PLAAT1: variants seen among roughly 807,000 people sequenced by gnomAD.
PLAAT1 encodes H-REV107 protein-related protein.
Under a neutral mutation model 16.4 loss-of-function variants are expected in PLAAT1, and 13 were observed. That is an observed-to-expected ratio of 0.79 (90% CI 0.52 to 1.26). PLAAT1 has a LOEUF of 1.26. Ranked by LOEUF, PLAAT1 falls within the 50% of genes most tolerant of loss-of-function variation. PLAAT1 has a pLI of 0.00. For synonymous variants in PLAAT1, 73 were observed against 78.4 expected (o/e 0.93, Z 0.36); for missense variants, 218 against 207.8 (o/e 1.05, Z -0.30).
chr3:193,267,923 TTTGCAG>T (rs1377695337), intron 3 of PLAAT1, among the ~76,000 whole-genome samples: 1 of 152,230 alleles, frequency 6.6e-6, no homozygotes, highest in Non-Finnish European at 1.5e-5. Flanking sequence ...CTTGTTTCAG[TTTGCAG>T]TTGCCTAGTT....
At chr3:193,245,983 G>GGAGAATC (rs1715968107) in intron 1 of PLAAT1, among the ~76,000 whole-genome samples, 2 of 152,218 alleles carry the variant, frequency 1.3e-5, no homozygotes, top group African/African-American at 4.8e-5. Context: ...TCATGTGCAA[G>GGAGAATC]GAGAATCCTA....
chr3:193,271,227 G>A (rs1716973302), downstream of PLAAT1, among the ~76,000 whole-genome samples: 1 of 152,120 alleles, frequency 6.6e-6, no homozygotes, highest in Non-Finnish European at 1.5e-5. Context: ...TCCTGCCTGT[G>A]TAGATGAGGG....
intron 2 of PLAAT1, chr3:193,276,737 G>C: frequency 2.6e-6 from 4 of 1,554,334 alleles, no homozygotes; most frequent in Middle Eastern, 1.7e-4. Context: ...AAAAAATATA[G>C]AGATTACTTT....
In PLAAT1 at chr3:193,258,972, T is replaced by C. The variant is rs182661919; in HGVS notation, c.139+3183T>C. Among the ~76,000 whole-genome samples the C allele has an allele frequency of 1.4e-4, 22 of 152,228 alleles. No individual in the cohort carries two copies. In the East Asian group the frequency reaches 3.5e-3, roughly 24 times the overall value. Reference sequence around the variant, plus strand: ...AAAAAAAGAAAACTTCAGGCCAGTATTCCTGATGAACATAGATGCAAAAAT... The same window carrying C: ...AAAAAAAGAAAACTTCAGGCCAGTACTCCTGATGAACATAGATGCAAAAAT... On this transcript the variant is annotated intron_variant, in intron 2 of 3. Coordinates refer to ENST00000264735, the MANE Select transcript of PLAAT1 (RefSeq NM_020386.5).
rs757906555 is a variant in PLAAT1 at position 193,276,852 on chromosome 3, T to C, written c.*60-784T>C. On this transcript the variant is annotated intron_variant and NMD_transcript_variant, in intron 2 of 2. Transcript: ENST00000416012. ...TCAACTGTTGAAAAACAAATACCAT[T>C]ATTATATTTTGCACACTTCACACTT... 3.8e-6 allele frequency: 6 copies of C among 1,566,114 alleles called. No homozygotes were observed. In the South Asian group the frequency reaches 6.8e-5, roughly 18 times the overall value.
chr3:193,278,259 T>C (rs1052115260), downstream of PLAAT1, among the ~76,000 whole-genome samples: 1 of 152,240 alleles, frequency 6.6e-6, no homozygotes, highest in Non-Finnish European at 1.5e-5. Flanking sequence ...ATTTCCTAAT[T>C]GCTTGTCTCT....
intron 2 of PLAAT1, among the ~76,000 whole-genome samples, chr3:193,256,235 G>A (rs1341975447): frequency 6.6e-6 from 1 of 152,124 alleles, no homozygotes; most frequent in Non-Finnish European, 1.5e-5. Context: ...CAGACCATGA[G>A]CAAGTTACAG....
At chr3:193,260,662 C>A (rs905004956) in intron 2 of PLAAT1, among the ~76,000 whole-genome samples, 6 of 150,976 alleles carry the variant, frequency 4.0e-5, no homozygotes, top group Non-Finnish European at 8.8e-5. Context: ...TCACATCAGT[C>A]AGAATGGTGA....
At chr3:193,241,142 G>A, upstream of PLAAT1, 1 of 1,005,070 alleles carries the variant, frequency 9.9e-7, no homozygotes, top group Non-Finnish European at 1.3e-6. Context: ...GCGGGCGGGC[G>A]AAGCTGGGCT....
chr3:193,261,429 T>A (rs147653858), intron 2 of PLAAT1, among the ~76,000 whole-genome samples: 3 of 152,316 alleles, frequency 2.0e-5, no homozygotes, highest in East Asian at 3.9e-4. Flanking sequence ...CAGGTTATGT[T>A]TAAAGAGAAG....
At chr3:193,269,755 A>G (rs908448961) in intron 3 of PLAAT1, among the ~76,000 whole-genome samples, 5 of 152,188 alleles carry the variant, frequency 3.3e-5, no homozygotes. Flanking sequence ...GGGTCATCAA[A>G]TTGCACTCAA....
At chr3:193,257,188 TTAAAGAATC>T (rs1366972798) in intron 2 of PLAAT1, among the ~76,000 whole-genome samples, 2 of 152,130 alleles carry the variant, frequency 1.3e-5, no homozygotes, top group Non-Finnish European at 2.9e-5. Context: ...CCTGTTACAG[TTAAAGAATC>T]ACGGAGACAG....
intron 1 of PLAAT1, among the ~76,000 whole-genome samples, chr3:193,246,000 T>C (rs1217406655): frequency 6.6e-6 from 1 of 152,238 alleles, no homozygotes; most frequent in African/African-American, 2.4e-5. Flanking sequence ...CCTAATGTCA[T>C]CAACAAACAG....
intron 1 of PLAAT1, among the ~76,000 whole-genome samples, chr3:193,250,168 A>AATCC (rs1394630430): frequency 6.6e-6 from 1 of 152,172 alleles, no homozygotes; most frequent in Non-Finnish European, 1.5e-5. Context: ...AGATTGTTAG[A>AATCC]ATCCACTAAC....
At chr3:193,241,064 G>A, upstream of PLAAT1, 2 of 534,710 alleles carry the variant, frequency 3.7e-6, no homozygotes, top group Non-Finnish European at 5.5e-6. Flanking sequence ...GAGCGCGTGC[G>A]TTGCGTGCGC....
intron 1 of PLAAT1, among the ~76,000 whole-genome samples, chr3:193,250,837 C>T (rs927680188): frequency 6.6e-5 from 10 of 151,212 alleles, no homozygotes; most frequent in African/African-American, 2.4e-4. Flanking sequence ...CTGCCCTATC[C>T]CCCCCACCCC....
intron 1 of PLAAT1, among the ~76,000 whole-genome samples, chr3:193,245,808 T>C (rs966155065): frequency 6.6e-6 from 1 of 152,252 alleles, no homozygotes; most frequent in Admixed American, 6.5e-5. Context: ...TTTTTCCATC[T>C]ACCTTTTGGC....
chr3:193,258,378 C>T (rs557451397), intron 2 of PLAAT1, among the ~76,000 whole-genome samples: 1 of 151,910 alleles, frequency 6.6e-6, no homozygotes, highest in Admixed American at 6.6e-5. Context: ...CAGACCAACC[C>T]CAAGCTAGCA....
At chr3:193,265,464 G>T (rs1461520392) in intron 3 of PLAAT1, among the ~76,000 whole-genome samples, 3 of 152,150 alleles carry the variant, frequency 2.0e-5, no homozygotes, top group Non-Finnish European at 4.4e-5. Context: ...TAAATTAGTG[G>T]TTGCCTGGGG....
Sources: gnomAD v4.1 joint callset for allele counts (sites outside exome capture counted in the v4.1 genomes callset) on GRCh38, gnomAD v4.1.1 for gene constraint, MANE v1.5 for transcripts, NCBI Gene and HGNC (gene_info 2026-07-23, HGNC 2026-07-21) for gene names.